Variants in PRKACB observed in about 807,000 individuals in gnomAD.
PRKACB encodes cAMP-dependent protein kinase catalytic subunit beta.
PRKACB carries 16 observed loss-of-function variants against 51.4 expected under a neutral mutation model. The observed-to-expected ratio is 0.31, with a 90% CI of 0.21 to 0.47. The LOEUF (loss-of-function observed/expected upper bound fraction) is 0.47. Ranked by LOEUF, PRKACB falls within the 20% of genes least tolerant of loss-of-function variation. The pLI, the probability that PRKACB is intolerant of heterozygous loss-of-function variation, is 1.00. For synonymous variants in PRKACB, 147 were observed against 154.4 expected (o/e 0.95, Z 0.35); for missense variants, 309 against 464.5 (o/e 0.67, Z 3.08).
intron 1 of PRKACB, among the ~76,000 whole-genome samples, chr1:84,127,719 G>A (rs1241000110): frequency 6.6e-6 from 1 of 151,852 alleles, no homozygotes; most frequent in Non-Finnish European, 1.5e-5. Flanking sequence ...CTTTTGAAAT[G>A]TTATTTTGCT....
At chr1:84,086,117 G>A (rs944955463) in intron 1 of PRKACB, 17 of 1,540,854 alleles carry the variant, frequency 1.1e-5, no homozygotes, top group Non-Finnish European at 1.2e-5. Context: ...CATTGAGTAT[G>A]AGGTGTTGGT....
chr1:84,123,962 A>C (rs948846774), intron 1 of PRKACB, among the ~76,000 whole-genome samples: 3 of 152,184 alleles, frequency 2.0e-5, no homozygotes, highest in Non-Finnish European at 2.9e-5. Flanking sequence ...CTGGAAATGC[A>C]TAGCTCCCTA....
intron 1 of PRKACB, chr1:84,164,695 C>T (rs945895294): frequency 1.4e-6 from 2 of 1,391,842 alleles, no homozygotes; most frequent in Non-Finnish European, 1.9e-6. Context: ...TTTCTCCCTG[C>T]CATTTTGAGT....
At chr1:84,192,582 A>G (rs898129186) in intron 5 of PRKACB, among the ~76,000 whole-genome samples, 8 of 152,182 alleles carry the variant, frequency 5.3e-5, no homozygotes, top group Non-Finnish European at 1.0e-4. Flanking sequence ...AAGAAGAGGA[A>G]TTGTAAACGT....
chr1:84,140,855 A>C (rs1482371105), upstream of PRKACB, among the ~76,000 whole-genome samples: 1 of 152,144 alleles, frequency 6.6e-6, no homozygotes, highest in Non-Finnish European at 1.5e-5. Context: ...TTGAAGACCT[A>C]GGTGACTTTG....
At chr1:84,112,225 CTTTTTTTTTT>C (rs905575496) in intron 1 of PRKACB, among the ~76,000 whole-genome samples, 18 of 120,040 alleles carry the variant, frequency 1.5e-4, no homozygotes, top group East Asian at 2.5e-4. Flanking sequence ...TGGACTGCTT[CTTTTTTTTTT>C]TTTTTTTTTT....
At chr1:84,232,934 G>T (rs1085738) in intron 9 of PRKACB, among the ~76,000 whole-genome samples, 1 of 151,936 alleles carries the variant, frequency 6.6e-6, no homozygotes, top group South Asian at 2.1e-4. Context: ...ATATTGTTAT[G>T]TGTGAATTTG....
intron 1 of PRKACB, among the ~76,000 whole-genome samples, chr1:84,152,351 A>C (rs1654949575): frequency 6.6e-6 from 1 of 152,180 alleles, no homozygotes; most frequent in African/African-American, 2.4e-5. Context: ...TATTGGCTTC[A>C]ATTTGAAGTC....
At chr1:84,104,819 C>CT (rs1239448218) in intron 1 of PRKACB, among the ~76,000 whole-genome samples, 3 of 152,092 alleles carry the variant, frequency 2.0e-5, no homozygotes, top group Non-Finnish European at 4.4e-5. Context: ...CTCTGGAACC[C>CT]TTTTTCTATT....
intron 1 of PRKACB, among the ~76,000 whole-genome samples, chr1:84,117,064 C>T (rs1444973802): frequency 6.6e-6 from 1 of 151,710 alleles, no homozygotes; most frequent in Non-Finnish European, 1.5e-5. Context: ...TTTCTGCATC[C>T]ATTGAGATAA....
intron 1 of PRKACB, among the ~76,000 whole-genome samples, chr1:84,115,169 C>T (rs1318098123): frequency 1.3e-5 from 2 of 151,344 alleles, no homozygotes; most frequent in African/African-American, 2.4e-5. Flanking sequence ...ATAAGAATTC[C>T]CTTTTCTCCA....
chr1:84,165,678 G>GT (rs1657204727), intron 1 of PRKACB, among the ~76,000 whole-genome samples: 2 of 151,422 alleles, frequency 1.3e-5, no homozygotes. Flanking sequence ...TTCCAAAACT[G>GT]TTTTTTTGAA....
At chr1:84,158,138 C>G (rs1192622451) in intron 1 of PRKACB, among the ~76,000 whole-genome samples, 1 of 151,734 alleles carries the variant, frequency 6.6e-6, no homozygotes, top group Non-Finnish European at 1.5e-5. Context: ...TGCAGTGGCG[C>G]AAGTGATTCT....
At chr1:84,154,315 T>C (rs1655187689) in intron 1 of PRKACB, among the ~76,000 whole-genome samples, 1 of 152,158 alleles carries the variant, frequency 6.6e-6, no homozygotes, top group African/African-American at 2.4e-5. Flanking sequence ...TCTCATTCTG[T>C]AGGTTGTCTC....
chr1:84,080,023 G>A (rs1178794054), intron 1 of PRKACB, among the ~76,000 whole-genome samples: 1 of 152,086 alleles, frequency 6.6e-6, no homozygotes, highest in East Asian at 1.9e-4. Flanking sequence ...GAAGTATAAA[G>A]AATGCAAAAA....
At chr1:84,214,923 T>G (rs1672679176) in intron 9 of PRKACB, among the ~76,000 whole-genome samples, 1 of 152,230 alleles carries the variant, frequency 6.6e-6, no homozygotes, top group Non-Finnish European at 1.5e-5. Flanking sequence ...TTAGACAATG[T>G]CCTAAGGGTT....
At chr1:84,191,506 A>G (rs888566391) in intron 5 of PRKACB, among the ~76,000 whole-genome samples, 1 of 152,158 alleles carries the variant, frequency 6.6e-6, no homozygotes, top group Admixed American at 6.6e-5. Context: ...CCATAAAAAG[A>G]ATGAAATCAT....
intron 1 of PRKACB, among the ~76,000 whole-genome samples, chr1:84,104,460 C>A (rs1185722156): frequency 6.6e-6 from 1 of 152,058 alleles, no homozygotes; most frequent in Non-Finnish European, 1.5e-5. Flanking sequence ...GCAGATGTCT[C>A]TTCAATATAC....
intron 2 of PRKACB, 38 bp downstream of exon 2, chr1:84,179,276 T>G (rs751933680): frequency 2.7e-6 from 4 of 1,508,490 alleles, no homozygotes; most frequent in Non-Finnish European, 3.5e-6. Flanking sequence ...TTAAAAATCT[T>G]GTATTAATAA....
Sources: allele counts gnomAD v4.1 joint callset (sites outside exome capture counted in the v4.1 genomes callset), GRCh38; gene constraint gnomAD v4.1.1; transcripts MANE v1.5; gene names NCBI Gene and HGNC (gene_info 2026-07-23, HGNC 2026-07-21).